Variants in LINGO2 observed in about 807,000 individuals in gnomAD.
LINGO2 encodes leucine rich repeat and Ig domain containing 2.
In LINGO2, 14 loss-of-function variants were observed where a neutral mutation model predicts 30.6. The observed-to-expected ratio is 0.46, with a 90% CI of 0.30 to 0.72. LINGO2 has a LOEUF of 0.72. Among genes scored for constraint, LINGO2 ranks in the 30% least tolerant of loss-of-function variants. The pLI is 0.07. For missense variants in LINGO2, 729 were observed against 751.7 expected, an observed-to-expected ratio of 0.97 and a Z score of 0.35; for synonymous variants, 317 against 288.5, an observed-to-expected ratio of 1.10 and a Z score of -1.00.
At chr9:28,362,230 G>A (rs546739144) in intron 3 of LINGO2, among the ~76,000 whole-genome samples, 54 of 151,240 alleles carry the variant, frequency 3.6e-4, no homozygotes, top group African/African-American at 1.1e-3. Flanking sequence ...GTGTGTGTGT[G>A]CGCATGCGCA....
intron 1 of LINGO2, among the ~76,000 whole-genome samples, chr9:28,557,219 A>G (rs1449387179): frequency 6.6e-6 from 1 of 152,024 alleles, no homozygotes; most frequent in African/African-American, 2.4e-5. Context: ...AACCTACAAA[A>G]TGGGAGAAAA....
At chr9:28,539,761 T>A (rs1156400281) in intron 1 of LINGO2, among the ~76,000 whole-genome samples, 1 of 152,164 alleles carries the variant, frequency 6.6e-6, no homozygotes, top group Non-Finnish European at 1.5e-5. Context: ...AAGGACAAGG[T>A]GATCTTCAAA....
At chr9:28,938,065 G>C in the LINGO2 span, among the ~76,000 whole-genome samples, 1 of 152,164 alleles carries the variant, frequency 6.6e-6, no homozygotes, top group South Asian at 2.1e-4. Context: ...CTGTGTTAAA[G>C]AATAAGGCAT....
intron 5 of LINGO2, among the ~76,000 whole-genome samples, chr9:28,004,914 A>T (rs1822185358): frequency 1.3e-5 from 2 of 152,152 alleles, no homozygotes; most frequent in Admixed American, 6.5e-5. Context: ...TTGTGTTTTT[A>T]TCGATATGAT....
At chr9:28,982,013 C>T in the LINGO2 span, among the ~76,000 whole-genome samples, 1 of 152,072 alleles carries the variant, frequency 6.6e-6, no homozygotes, top group South Asian at 2.1e-4. Flanking sequence ...TAAAAAGAGT[C>T]TAATTTTATT....
chr9:27,997,170 T>C (rs910289489), intron 5 of LINGO2, among the ~76,000 whole-genome samples: 3 of 152,216 alleles, frequency 2.0e-5, no homozygotes, highest in Non-Finnish European at 2.9e-5. Flanking sequence ...AGTACAACTT[T>C]CTGCAACATT....
intron 3 of LINGO2, among the ~76,000 whole-genome samples, chr9:28,333,151 C>T (rs1358430860): frequency 3.3e-5 from 5 of 152,160 alleles, no homozygotes; most frequent in African/African-American, 7.2e-5. Context: ...TTGTGAGTCA[C>T]ACAAAAAGAA....
At chr9:28,020,710 A>G (rs1823074475) in intron 4 of LINGO2, among the ~76,000 whole-genome samples, 1 of 152,214 alleles carries the variant, frequency 6.6e-6, no homozygotes, top group African/African-American at 2.4e-5. Flanking sequence ...TATTGATTCA[A>G]CATCTTAAAC....
chr9:27,990,205 A>G (rs1930010), intron 5 of LINGO2, among the ~76,000 whole-genome samples: 58,517 of 151,880 alleles, frequency 0.39, 11,390 homozygotes, highest in East Asian at 0.51. Context: ...TTTGACCTAC[A>G]AAAACAGCAT....
the LINGO2 span, among the ~76,000 whole-genome samples, chr9:29,148,996 T>C: frequency 6.6e-6 from 1 of 152,136 alleles, no homozygotes; most frequent in Middle Eastern, 3.2e-3. Flanking sequence ...CCTCATCTAA[T>C]GTAAGAATTT....
intron 4 of LINGO2, among the ~76,000 whole-genome samples, chr9:28,210,670 A>C (rs978981517): frequency 1.3e-5 from 2 of 151,690 alleles, no homozygotes; most frequent in African/African-American, 4.8e-5. Context: ...ATGTAGACGC[A>C]GAGAGAGAAG....
At chr9:28,668,569 T>C (rs1472702003) in intron 1 of LINGO2, among the ~76,000 whole-genome samples, 2 of 151,988 alleles carry the variant, frequency 1.3e-5, no homozygotes, top group Admixed American at 6.6e-5. Context: ...CTCCTAACTA[T>C]ACGCTCTGAA....
At chr9:28,822,451 A>G in the LINGO2 span, among the ~76,000 whole-genome samples, 21 of 152,164 alleles carry the variant, frequency 1.4e-4, no homozygotes, top group Non-Finnish European at 2.5e-4. Flanking sequence ...GAAGGATGCA[A>G]AGTATTGATC....
At chr9:28,975,009 G>C in the LINGO2 span, among the ~76,000 whole-genome samples, 7 of 151,986 alleles carry the variant, frequency 4.6e-5, no homozygotes, top group African/African-American at 1.7e-4. Flanking sequence ...CTGGGCCCTA[G>C]GTTACTCAAA....
At chr9:28,358,491 A>G (rs148666285) in intron 3 of LINGO2, among the ~76,000 whole-genome samples, 457 of 152,194 alleles carry the variant, frequency 3.0e-3, no homozygotes, top group African/African-American at 0.011. Flanking sequence ...ACTGTAACCA[A>G]CCCCTTTTCC....
intron 3 of LINGO2, among the ~76,000 whole-genome samples, chr9:28,353,716 C>A (rs370904171): frequency 2.0e-5 from 3 of 151,996 alleles, no homozygotes; most frequent in South Asian, 2.1e-4. Context: ...ATGTTTATTG[C>A]GGCACTATTC....
the LINGO2 span, among the ~76,000 whole-genome samples, chr9:29,149,056 C>G: frequency 2.6e-5 from 4 of 152,126 alleles, no homozygotes; most frequent in African/African-American, 9.6e-5. Flanking sequence ...ATCCTAATTC[C>G]TAAACATCTC....
At chr9:28,063,824 T>G (rs1825228986) in intron 4 of LINGO2, among the ~76,000 whole-genome samples, 1 of 152,152 alleles carries the variant, frequency 6.6e-6, no homozygotes, top group South Asian at 2.1e-4. Flanking sequence ...AAATGCTTCA[T>G]TATAATTGAT....
the LINGO2 span, among the ~76,000 whole-genome samples, chr9:29,043,659 G>A: frequency 6.6e-6 from 1 of 151,896 alleles, no homozygotes; most frequent in South Asian, 2.1e-4. Flanking sequence ...GGGATTGCCA[G>A]GTTAAGTAAA....
Sources: gnomAD v4.1 joint callset for allele counts (sites outside exome capture counted in the v4.1 genomes callset) on GRCh38, gnomAD v4.1.1 for gene constraint, MANE v1.5 for transcripts, NCBI Gene and HGNC (gene_info 2026-07-23, HGNC 2026-07-21) for gene names.